The following NCAM1 variants were observed in gnomAD, a reference collection of about 807,000 sequenced individuals.
NCAM1 encodes neural cell adhesion molecule 1, also known as antigen recognized by monoclonal antibody 5.1H11.
A neutral mutation model predicts 109.8 loss-of-function variants in NCAM1; 14 were observed. The observed-to-expected ratio is 0.13, with a 90% CI of 0.08 to 0.20. NCAM1 has a LOEUF of 0.20. Ranked by LOEUF, NCAM1 falls within the 10% of genes least tolerant of loss-of-function variation. The probability of loss-of-function intolerance (pLI) is 1.00; values close to 1 mark genes in which losing one functional copy is unlikely to be tolerated. For missense variants in NCAM1, 774 were observed against 1,109.9 expected (o/e 0.70, Z 4.30); for synonymous variants, 418 against 442.9 (o/e 0.94, Z 0.70).
In NCAM1 at chr11:113,273,867, G is replaced by A. The variant is rs1286411012; in HGVS notation, c.2457-1400G>A. 9.4e-6 allele frequency: 2 copies of A among 213,368 alleles called. No homozygotes were observed. Among genetic ancestry groups the A allele is most frequent in the South Asian group, 5.1e-5 (1 of 19,510 alleles). The allele number at this position is 213,368 out of a possible 1,614,324, so 13.2% of individuals were successfully genotyped here. ...GCCTCATCCAGGGCTTCTCTGAGGC[G>A]ACCGTCAACCAAGGGGCTGGGATAA... On this transcript the variant is annotated intron_variant, in intron 19 of 19. Transcript: ENST00000316851. This position sits in a 1 kb window ranked among gnomAD's most constrained non-coding sequence, Gnocchi z 6.0.
At position 113,254,177 on chromosome 11, in the gene NCAM1, C is replaced by G. The variant is rs564484770; in HGVS notation, c.1829-1700C>G. ...CGAAGGAATTTGGAAAGCCTAAATA[C>G]CTTGACGTGTCTAAACCAAATTTCT... On this transcript the variant is annotated intron_variant, in intron 15 of 19. Transcript: ENST00000316851. Among the ~76,000 whole-genome samples, 4 of 152,312 alleles carry G rather than the reference C, an allele frequency of 2.6e-5. No homozygotes were observed. In the East Asian group the frequency reaches 7.7e-4, roughly 29 times the overall value.
chr11:113,220,602 C>CTCTTTTTT (rs1319361444), intron 8 of NCAM1, among the ~76,000 whole-genome samples: 29 of 75,600 alleles, frequency 3.8e-4, no homozygotes, highest in African/African-American at 1.8e-3. Flanking sequence ...CTCTCTCTCT[C>CTCTTTTTT]TTTTTTTTTT....
intron 1 of NCAM1, among the ~76,000 whole-genome samples, chr11:113,027,718 T>C (rs1952592155): frequency 6.6e-6 from 1 of 152,222 alleles, no homozygotes; most frequent in South Asian, 2.1e-4. Flanking sequence ...GATGAGACAC[T>C]TCCAAATAAC....
chr11:113,269,149 G>A (rs1946210263), intron 17 of NCAM1, among the ~76,000 whole-genome samples: 1 of 152,108 alleles, frequency 6.6e-6, no homozygotes, highest in Non-Finnish European at 1.5e-5. Context: ...ACCACCAAGA[G>A]GTCAATTGGT....
intron 1 of NCAM1, among the ~76,000 whole-genome samples, chr11:113,160,974 A>G (rs11214521): frequency 0.03 from 4,571 of 151,930 alleles, 102 homozygotes; most frequent in South Asian, 0.079. Flanking sequence ...GAGATGCACA[A>G]CTCCCACTCC....
chr11:113,206,914 G>C (rs1468816747), intron 5 of NCAM1, among the ~76,000 whole-genome samples: 5 of 152,154 alleles, frequency 3.3e-5, no homozygotes, highest in Non-Finnish European at 7.3e-5. Flanking sequence ...TTAACATCAA[G>C]TTTCACTGAA....
intron 1 of NCAM1, among the ~76,000 whole-genome samples, chr11:113,151,866 G>A (rs1555102518): frequency 6.6e-6 from 1 of 152,220 alleles, no homozygotes; most frequent in African/African-American, 2.4e-5. Flanking sequence ...GGGCTGAGAA[G>A]CTGACTTGGG....
chr11:113,264,034 A>C, intron 17 of NCAM1: 1 of 985,324 alleles, frequency 1.0e-6, no homozygotes, highest in African/African-American at 1.7e-5. Context: ...CAGGAGAGGA[A>C]ATGGGTGTGT....
At chr11:113,235,681 A>C (rs1555118154) in intron 14 of NCAM1, among the ~76,000 whole-genome samples, 1 of 152,226 alleles carries the variant, frequency 6.6e-6, no homozygotes, top group East Asian at 1.9e-4. Flanking sequence ...CAAGGGGAAG[A>C]GGTAGCCCTG....
At chr11:113,197,704 T>A (rs1555111095) in intron 1 of NCAM1, among the ~76,000 whole-genome samples, 1 of 152,226 alleles carries the variant, frequency 6.6e-6, no homozygotes, top group African/African-American at 2.4e-5. Flanking sequence ...GGAGAGACTT[T>A]GGTTCCCTGT....
At chr11:113,027,758 G>T (rs1268833391) in intron 1 of NCAM1, among the ~76,000 whole-genome samples, 4 of 152,176 alleles carry the variant, frequency 2.6e-5, no homozygotes, top group African/African-American at 9.7e-5. Context: ...ACTCCCATGA[G>T]CTAACTTTTC....
chr11:113,236,216 C>T, intron 14 of NCAM1: 1 of 1,409,000 alleles, frequency 7.1e-7, no homozygotes, highest in Non-Finnish European at 1.0e-6. Context: ...GGATTCTATT[C>T]ATTTCTTTTA....
intron 1 of NCAM1, among the ~76,000 whole-genome samples, chr11:113,125,121 C>T (rs1269832752): frequency 1.3e-5 from 2 of 152,184 alleles, no homozygotes; most frequent in South Asian, 2.1e-4. Flanking sequence ...ATGCCACCCT[C>T]GTATTCTGAA....
In NCAM1 at chr11:113,149,234, G is replaced by A. The variant is rs558237574; in HGVS notation, c.53-53145G>A. 1.1e-3 allele frequency among the ~76,000 whole-genome samples: 170 copies of A among 152,290 alleles called. 1 individual carries two copies. The highest frequency in any genetic ancestry group is 8.9e-3 in the South Asian group (43 of 4,810). On this transcript the variant is annotated intron_variant, in intron 1 of 19. Transcript: ENST00000316851. Reference sequence around the variant, plus strand: ...CAAGACAAGGGTGCACATTCCCACAGCAAAGCCTGGCTAGGGCTGTGCCTT... The same window carrying A: ...CAAGACAAGGGTGCACATTCCCACAACAAAGCCTGGCTAGGGCTGTGCCTT...
intron 1 of NCAM1, among the ~76,000 whole-genome samples, chr11:113,060,516 T>G (rs1953878979): frequency 6.6e-6 from 1 of 152,198 alleles, no homozygotes; most frequent in African/African-American, 2.4e-5. Flanking sequence ...TATGAAGAAT[T>G]CTAGCTTTGA....
rs186142195 is a variant in NCAM1 at position 113,076,939 on chromosome 11, T to C, written c.52+115275T>C. Reference sequence around the variant, plus strand: ...ATTTTGATACAAGAATATGATTCAATTTGATTGTGAATATGACTACTCAAG... The same window carrying C: ...ATTTTGATACAAGAATATGATTCAACTTGATTGTGAATATGACTACTCAAG... On this transcript the variant is annotated intron_variant, in intron 1 of 19. Coordinates refer to ENST00000316851, the MANE Select transcript of NCAM1 (RefSeq NM_181351.5). 5.2e-3 allele frequency among the ~76,000 whole-genome samples: 787 copies of C among 152,342 alleles called. 5 individuals carry two copies. The highest frequency in any genetic ancestry group is 7.2e-3 in the Non-Finnish European group (489 of 68,032).
chr11:113,205,930 T>C, intron 4 of NCAM1, 113 bp from the exon 5 acceptor site: 1 of 1,376,790 alleles, frequency 7.3e-7, no homozygotes, highest in Non-Finnish European at 1.0e-6. Flanking sequence ...TTATTTGGGC[T>C]TAAAACCCCA....
In NCAM1 at chr11:113,193,639, CAAAAAAAGAAAGGAAGAAAAAG is replaced by C. The variant is rs574935841; in HGVS notation, c.53-8727_53-8706del. On this transcript the variant is annotated intron_variant, in intron 1 of 19. Coordinates refer to ENST00000316851, the MANE Select transcript of NCAM1 (RefSeq NM_181351.5). ...GGGCAAGAAGAGCAAAATTCTGTGTCAAAAAAAGAAAGGAAGAAAAAGAAAAAAAGAAAGAGAGAAACAGAGA... is the reference window on the plus strand; with the variant it reads ...GGGCAAGAAGAGCAAAATTCTGTGTCAAAAAAAGAAAGAGAGAAACAGAGA... Among the ~76,000 whole-genome samples the C allele has an allele frequency of 2.4e-3, 355 of 146,750 alleles. 1 individual carries two copies. The highest frequency in any genetic ancestry group is 8.5e-3 in the African/African-American group (334 of 39,502).
intron 1 of NCAM1, among the ~76,000 whole-genome samples, chr11:113,054,867 T>C (rs1357199585): frequency 3.3e-5 from 5 of 152,102 alleles, no homozygotes; most frequent in Non-Finnish European, 5.9e-5. Context: ...GCATAGCATT[T>C]ATAGAGAGGA....
Sources: gnomAD v4.1 joint callset for allele counts (sites outside exome capture counted in the v4.1 genomes callset) on GRCh38, gnomAD v4.1.1 for gene constraint, Gnocchi (gnomAD v3.1) non-coding constraint, MANE v1.5 for transcripts, NCBI Gene and HGNC (gene_info 2026-07-23, HGNC 2026-07-21) for gene names.